Variants in PXDN observed in about 807,000 individuals in gnomAD.
PXDN encodes the protein peroxidasin.
In PXDN, 77 loss-of-function variants were observed where a neutral mutation model predicts 140.3. The observed-to-expected ratio is 0.55, with a 90% CI of 0.46 to 0.66. The LOEUF is 0.66. Ranked by LOEUF, PXDN falls within the 30% of genes least tolerant of loss-of-function variation. The pLI, the probability that PXDN is intolerant of heterozygous loss-of-function variation, is 0.00. For synonymous variants in PXDN, 911 were observed against 857.4 expected (o/e 1.06, Z -1.09); for missense variants, 1,838 against 2,039.5 (o/e 0.90, Z 1.90).
Position 1,666,292 on chromosome 2 carries a change from C to A in PXDN, c.1213G>T (p.Gly405Trp), listed in dbSNP as rs1312726593. The A allele has an allele frequency of 1.2e-6, 2 of 1,613,950 alleles. No homozygotes were observed. Among genetic ancestry groups the A allele is most frequent in the Non-Finnish European group, 1.7e-6 (2 of 1,179,918 alleles). ...GAGCACGCATACTCTCCGCTGTCCC[C>A]CTGTACGACGTTCTGTATGTAAAGC... Reference protein sequence around the residue: ...GGLYIQNVVQGDSGEYACSAT... With the variant: ...GGLYIQNVVQWDSGEYACSAT... Residue 405 changes from glycine (G) to tryptophan (W), a missense_variant, in exon 10 of 23, where the codon GGG becomes TGG. Coordinates refer to ENST00000252804, the MANE Select transcript of PXDN (RefSeq NM_012293.3).
At chr2:1,693,877 G>A (rs1309366460) in intron 1 of PXDN, among the ~76,000 whole-genome samples, 7 of 152,242 alleles carry the variant, frequency 4.6e-5, no homozygotes, top group South Asian at 2.1e-4. Context: ...CTCAGGCAGA[G>A]CAAGCTGGGA....
intron 1 of PXDN, among the ~76,000 whole-genome samples, chr2:1,696,960 C>T (rs1426847158): frequency 6.6e-6 from 1 of 152,198 alleles, no homozygotes; most frequent in Admixed American, 6.5e-5. Flanking sequence ...GTCACGAAGA[C>T]AAATACAAGG....
At position 1,633,986 on chromosome 2, in the gene PXDN, C is replaced by A; in HGVS notation, c.*218G>T. On this transcript the variant is annotated 3_prime_UTR_variant, in exon 23 of 23. Coordinates refer to ENST00000252804, the MANE Select transcript of PXDN (RefSeq NM_012293.3). ...GAAGTCTAACGTGAAGCTAGGACTC[C>A]TGCCTGCTTCCCTTCAGGCACCTGC... 1.9e-6 allele frequency: 1 copy of A among 520,776 alleles called. No individual in the cohort carries two copies. Among genetic ancestry groups the A allele is most frequent in the East Asian group, 3.2e-5 (1 of 31,260 alleles). 32.3% of individuals were successfully genotyped at this position (520,776 alleles called of 1,614,324 possible). A position where few individuals can be genotyped will look rare whatever the true frequency, so the allele number is the denominator to read the frequency against.
intron 1 of PXDN, among the ~76,000 whole-genome samples, chr2:1,695,136 C>A (rs573178741): frequency 7.2e-5 from 11 of 152,344 alleles, no homozygotes; most frequent in African/African-American, 2.6e-4. Flanking sequence ...GCGGCAACAG[C>A]GTGGAAGCTG....
At chr2:1,704,563 G>A (rs1461894416) in intron 1 of PXDN, among the ~76,000 whole-genome samples, 1 of 108,458 alleles carries the variant, frequency 9.2e-6, no homozygotes, top group Non-Finnish European at 1.8e-5. Context: ...GGTGAAGGGA[G>A]GGCAACTCCA....
intron 1 of PXDN, among the ~76,000 whole-genome samples, chr2:1,717,488 T>C (rs142323871): frequency 2.9e-4 from 44 of 152,292 alleles, no homozygotes; most frequent in African/African-American, 9.6e-4. Context: ...CCCTGAATCT[T>C]TGTAAACTCC....
In PXDN at chr2:1,653,661, G is replaced by A; in HGVS notation, c.2071C>T (p.Gln691Ter). The change falls in exon 16 of 23, where the codon CAG becomes TAG. Residue 691 changes from glutamine (Q) to a stop codon, truncating the protein, a stop_gained. Transcript: ENST00000252804. LOFTEE classifies it high-confidence loss of function. ...RTLQLIQEHV[Q>*]HGLMVDLNGT... ...TTGAGGTCGACCATCAAGCCATGCT[G>A]TACATGCTCCTGAATGAGCTGCAAT... is the stretch of plus-strand genomic sequence containing the variant. The A allele has an allele frequency of 6.2e-7, 1 of 1,612,626 alleles. No homozygotes were observed.
chr2:1,742,411 G>C (rs1054006522), intron 1 of PXDN, among the ~76,000 whole-genome samples: 1 of 152,200 alleles, frequency 6.6e-6, no homozygotes, highest in African/African-American at 2.4e-5. Flanking sequence ...AGGAAGTGTT[G>C]TGCGAGTGGA....
At chr2:1,681,212 G>T (rs1683894675) in intron 6 of PXDN, among the ~76,000 whole-genome samples, 1 of 152,136 alleles carries the variant, frequency 6.6e-6, no homozygotes, top group Admixed American at 6.5e-5. Context: ...GCGGGGAGAA[G>T]CCTGGCCCTC....
intron 9 of PXDN, among the ~76,000 whole-genome samples, chr2:1,666,838 T>C (rs1683456543): frequency 6.6e-6 from 1 of 152,204 alleles, no homozygotes; most frequent in Admixed American, 6.5e-5. Context: ...GTAGTTCTTA[T>C]TGGCACAAAT....
chr2:1,726,646 TTTTG>T (rs1033690322), intron 1 of PXDN, among the ~76,000 whole-genome samples: 9 of 152,184 alleles, frequency 5.9e-5, no homozygotes, highest in South Asian at 2.1e-4. Flanking sequence ...CTTGTTTGTT[TTTTG>T]TTTGTTTTAC....
chr2:1,663,612 C>A lies in PXDN; in HGVS notation c.1560G>T (p.Gln520His), dbSNP rs1021849296. The part of the protein sequence containing the change: ...SQKVVAHLTV[Q>H]PRVTPVFASI... ...CAACCTCCTGGCACCTACCTCTGGG[C>A]TGCACAGTCAGGTGGGCCACGACCT... Residue 520 changes from glutamine to histidine, a missense_variant, in exon 12 of 23, where the codon CAG (glutamine) becomes CAT (histidine). Physicochemically the swap from Gln to His is conservative, Grantham distance 24. Transcript: ENST00000252804. The A allele has an allele frequency of 5.0e-6, 8 of 1,613,852 alleles. No homozygotes were observed. In the African/African-American group the frequency reaches 6.7e-5, roughly 13 times the overall value.
At chr2:1,734,407 C>T (rs78866620) in intron 1 of PXDN, among the ~76,000 whole-genome samples, 238 of 152,220 alleles carry the variant, frequency 1.6e-3, no homozygotes, top group Non-Finnish European at 2.9e-3. Flanking sequence ...TGGCTGCTGA[C>T]GGATCAGGGT....
Position 1,634,321 on chromosome 2 carries a change from G to C in PXDN, c.4323C>G (p.Asp1441Glu). 1 of 1,581,204 alleles carries C rather than the reference G, an allele frequency of 6.3e-7. No homozygotes were observed. The highest frequency in any genetic ancestry group is 8.6e-7 in the Non-Finnish European group (1 of 1,163,036). The part of the protein sequence containing the change: ...KDACTICECK[D>E]GQVTCFVEAC... ...CTTCCACGAAGCAGGTGACCTGCCC[G>C]TCCTGGAGAAGAGAGACGGAGCACA... is the stretch of plus-strand genomic sequence containing the variant. The change falls in exon 23 of 23, where the codon GAC becomes GAG. Residue 1441 changes from aspartate (D) to glutamate (E), a missense_variant and splice_region_variant. Around this residue, in one of 5 missense-constraint regions of PXDN, gnomAD observed 850 missense variants for 894.1 expected, o/e 0.95. Transcript: ENST00000252804.
intron 17 of PXDN, among the ~76,000 whole-genome samples, chr2:1,645,365 G>A (rs1187519007): frequency 6.6e-6 from 1 of 152,098 alleles, no homozygotes; most frequent in Non-Finnish European, 1.5e-5. Context: ...CTTCTACTAC[G>A]AATCAGCTAA....
At position 1,665,472 on chromosome 2, in the gene PXDN, T is replaced by TTA. The variant is rs374814800; in HGVS notation, c.1292-400_1292-399dup. Reference sequence around the variant, plus strand: ...TAGCTGTGTATGATGATAGTGGTTATTATCACTGGATGAAAAACATAACTT... The same window carrying TTA: ...TAGCTGTGTATGATGATAGTGGTTATTATATCACTGGATGAAAAACATAACTT... On this transcript the variant is annotated intron_variant, in intron 10 of 22. Coordinates refer to ENST00000252804, the MANE Select transcript of PXDN (RefSeq NM_012293.3). Among the ~76,000 whole-genome samples, 414 of 152,356 alleles carry TTA rather than the reference T, an allele frequency of 2.7e-3. 6 individuals carry two copies. Among genetic ancestry groups the TTA allele is most frequent in the African/African-American group, 9.5e-3 (397 of 41,592 alleles).
intron 1 of PXDN, among the ~76,000 whole-genome samples, chr2:1,729,351 C>T (rs867830897): frequency 2.0e-5 from 3 of 152,282 alleles, no homozygotes; most frequent in Middle Eastern, 6.8e-3. Context: ...CCCTTCAGCC[C>T]TCCCTCCTGA....
chr2:1,706,039 A>C (rs1397472128), intron 1 of PXDN, among the ~76,000 whole-genome samples: 1 of 152,100 alleles, frequency 6.6e-6, no homozygotes, highest in Non-Finnish European at 1.5e-5. Context: ...CAGCTTCTTC[A>C]GGGTCTCCAG....
intron 8 of PXDN, chr2:1,676,551 G>A: frequency 3.8e-6 from 1 of 263,974 alleles, no homozygotes; most frequent in Non-Finnish European, 7.5e-6. Flanking sequence ...TGGTCACAAT[G>A]CCCCAGGTCA....
Sources: allele counts gnomAD v4.1 joint callset (sites outside exome capture counted in the v4.1 genomes callset), GRCh38; gene constraint gnomAD v4.1.1; regional missense constraint gnomAD v4.1.1; transcripts MANE v1.5; gene names NCBI Gene and HGNC (gene_info 2026-07-23, HGNC 2026-07-21).